MYRFL: variants seen among roughly 807,000 people sequenced by gnomAD.
The protein encoded by MYRFL is myelin regulatory factor-like protein.
A neutral mutation model predicts 109.4 loss-of-function variants in MYRFL; 88 were observed. That is an observed-to-expected ratio of 0.80 (90% CI 0.68 to 0.96). MYRFL has a LOEUF of 0.96. MYRFL is among the 40% of genes least tolerant of loss of function. The pLI is 0.00. For missense variants in MYRFL, 957 were observed against 954.9 expected, an observed-to-expected ratio of 1.00 and a Z score of -0.03; for synonymous variants, 324 against 320.9, an observed-to-expected ratio of 1.01 and a Z score of -0.10.
chr12:69,891,682 T>TTCG lies in MYRFL; in HGVS notation c.903+517_903+518insCGT, dbSNP rs1886901296. ...CTTTCTTTCTTTCTTTCTTTCTTTC[T>TTCG]TTCGTTCGTTCGTTCTTTCTTTCTT... On this transcript the variant is annotated intron_variant, in intron 7 of 24. Coordinates refer to ENST00000552032, the MANE Select transcript of MYRFL (RefSeq NM_182530.3). Among the ~76,000 whole-genome samples, 5 of 101,556 alleles carry TTCG rather than the reference T, an allele frequency of 4.9e-5. No individual in the cohort carries two copies. In the South Asian group the frequency reaches 1.2e-3, roughly 23 times the overall value. The allele number at this position is 101,556 out of a possible 152,430, so 66.6% of individuals were successfully genotyped here.
In MYRFL at chr12:69,936,104, T is replaced by C; in HGVS notation, c.1917-9T>C. 7.0e-7 allele frequency: 1 copy of C among 1,425,468 alleles called. No homozygotes were observed. The highest frequency in any genetic ancestry group is 1.8e-4 in the Middle Eastern group (1 of 5,570). The allele number at this position is 1,425,468 out of a possible 1,614,324, so 88.3% of individuals were successfully genotyped here. ...TTTTTTTTTTTTTTTTTTTTTTTTTTTTTGACAGTGCTTTGACGATAGTTG... is the reference window on the plus strand; with the variant it reads ...TTTTTTTTTTTTTTTTTTTTTTTTTCTTTGACAGTGCTTTGACGATAGTTG... On this transcript the variant is annotated splice_polypyrimidine_tract_variant and intron_variant, in intron 16 of 24. Coordinates refer to ENST00000552032, the MANE Select transcript of MYRFL (RefSeq NM_182530.3).
intron 21 of MYRFL, 132 bp from the exon 22 acceptor site, chr12:69,955,231 C>T (rs942555031): frequency 5.3e-6 from 2 of 377,270 alleles, no homozygotes; most frequent in African/African-American, 2.1e-5. Flanking sequence ...CCAGGTTGAA[C>T]TCAGTTTTCC....
At chr12:69,833,938 A>G (rs11177892) in intron 1 of MYRFL, among the ~76,000 whole-genome samples, 5,286 of 149,984 alleles carry the variant, frequency 0.035, 115 homozygotes, top group Middle Eastern at 0.066. Context: ...TCCCAGCTCT[A>G]GCACAATAAG....
At chr12:69,955,269 C>A in intron 21 of MYRFL, 94 bp from the exon 22 acceptor site, 1 of 447,964 alleles carries the variant, frequency 2.2e-6, no homozygotes. Context: ...TATAATATTT[C>A]ACAGTTTTTA....
At position 69,955,612 on chromosome 12, in the gene MYRFL, T is replaced by G. The variant is rs1057359660; in HGVS notation, c.2450+175T>G. 5.9e-5 allele frequency among the ~76,000 whole-genome samples: 9 copies of G among 152,334 alleles called. No homozygotes were observed. The South Asian group carries it at 6.2e-4, about 11-fold the overall frequency. The stretch of plus-strand genomic sequence containing the variant: ...GGAAAGGTTTTCAAAATGAGGGCTG[T>G]GATCATCCAGGCTTTCTTCAGGGAA... On this transcript the variant is annotated intron_variant, in intron 22 of 24. Transcript: ENST00000552032.
In MYRFL at chr12:69,903,785, A is replaced by G; in HGVS notation, c.1324A>G (p.Lys442Glu). 6.5e-7 allele frequency: 1 copy of G among 1,535,770 alleles called. No homozygotes were observed. The highest frequency in any genetic ancestry group is 8.7e-7 in the Non-Finnish European group (1 of 1,146,654). Residue 442 changes from lysine to glutamate, a missense_variant, in exon 11 of 25, where the codon AAA (lysine) becomes GAA (glutamate). Transcript: ENST00000552032. Reference sequence around the variant, plus strand: ...AGCCCTGGTTGTCTGTGGCAACATGAAAGTGATGGGGACCATCATGCATCC... The same window carrying G: ...AGCCCTGGTTGTCTGTGGCAACATGGAAGTGATGGGGACCATCATGCATCC... ...DEALVVCGNM[K>E]VMGTIMHPSD...
intron 15 of MYRFL, among the ~76,000 whole-genome samples, chr12:69,931,322 G>T (rs541228070): frequency 6.6e-6 from 1 of 152,104 alleles, no homozygotes. Flanking sequence ...GACGTCCTCC[G>T]AACAGTTTCT....
Position 69,955,391 on chromosome 12 carries a change from G to T in MYRFL, c.2404G>T (p.Val802Phe). 1 of 660,630 alleles carries T rather than the reference G, an allele frequency of 1.5e-6. No individual in the cohort carries two copies. Among genetic ancestry groups the T allele is most frequent in the African/African-American group, 1.8e-5 (1 of 55,060 alleles). 40.9% of individuals were successfully genotyped at this position (660,630 alleles called of 1,614,324 possible). A position where few individuals can be genotyped will look rare whatever the true frequency, so the allele number is the denominator to read the frequency against. Residue 802 changes from valine to phenylalanine, a missense_variant, in exon 22 of 25, where the codon GTT becomes TTT. Physicochemically the swap from Val to Phe is conservative, Grantham distance 50. Coordinates refer to ENST00000552032, the MANE Select transcript of MYRFL (RefSeq NM_182530.3). ...TGGAAATTATAATTACAATATTCCT[G>T]TTAATAAACACACACCCACCAATGT... ...GSGNYNYNIP[V>F]NKHTPTNVKF...
intron 11 of MYRFL, among the ~76,000 whole-genome samples, chr12:69,905,910 C>T (rs1954342529): frequency 6.6e-6 from 1 of 152,096 alleles, no homozygotes; most frequent in African/African-American, 2.4e-5. Context: ...TTCACCTCTT[C>T]CTGACTTAGT....
chr12:69,938,710 C>G (rs904829064), intron 19 of MYRFL, among the ~76,000 whole-genome samples: 1 of 152,032 alleles, frequency 6.6e-6, no homozygotes, highest in Non-Finnish European at 1.5e-5. Flanking sequence ...GGAATAGGAA[C>G]AGCTCCGGTC....
intron 11 of MYRFL, among the ~76,000 whole-genome samples, chr12:69,906,270 T>C (rs1223709284): frequency 6.6e-6 from 1 of 152,136 alleles, no homozygotes; most frequent in Non-Finnish European, 1.5e-5. Context: ...ATGGAGAAGA[T>C]GACGCAGATA....
intron 1 of MYRFL, among the ~76,000 whole-genome samples, chr12:69,852,780 G>A (rs1031763292): frequency 6.6e-6 from 1 of 151,732 alleles, no homozygotes; most frequent in Non-Finnish European, 1.5e-5. Context: ...TTAGGGAGTG[G>A]TGATGACTCT....
chr12:69,913,738 C>T (rs568262978), intron 13 of MYRFL, among the ~76,000 whole-genome samples: 15 of 152,238 alleles, frequency 9.9e-5, no homozygotes, highest in South Asian at 4.2e-4. Context: ...GTGAGTCATA[C>T]GGCTTTGTTC....
chr12:69,852,559 CTGTT>C (rs1812982975), intron 1 of MYRFL, among the ~76,000 whole-genome samples: 1 of 133,956 alleles, frequency 7.5e-6, no homozygotes, highest in East Asian at 2.1e-4. Context: ...TGCAGGCAGG[CTGTT>C]TATTTTTAAT....
At chr12:69,870,054 T>C (rs935895708) in intron 2 of MYRFL, among the ~76,000 whole-genome samples, 2 of 151,082 alleles carry the variant, frequency 1.3e-5, no homozygotes, top group African/African-American at 2.4e-5. Context: ...AGAAGGCAAA[T>C]TATTTTATTT....
At chr12:69,929,431 G>A (rs945972332) in intron 15 of MYRFL, among the ~76,000 whole-genome samples, 1 of 152,222 alleles carries the variant, frequency 6.6e-6, no homozygotes, top group African/African-American at 2.4e-5. Context: ...GGAGGTTTAT[G>A]AGAGTTGAGC....
intron 7 of MYRFL, among the ~76,000 whole-genome samples, chr12:69,891,588 T>TCTTC: frequency 1.4e-5 from 2 of 139,462 alleles, no homozygotes; most frequent in Middle Eastern, 3.5e-3. Context: ...TTTCTTTCTT[T>TCTTC]CTTTCTTTCT....
At chr12:69,876,304 G>A (rs568517520) in intron 2 of MYRFL, among the ~76,000 whole-genome samples, 1 of 152,294 alleles carries the variant, frequency 6.6e-6, no homozygotes, top group East Asian at 1.9e-4. Flanking sequence ...CCTTCTCCAA[G>A]TTTCAGTGCC....
At chr12:69,937,817 G>A (rs1006976900) in intron 19 of MYRFL, among the ~76,000 whole-genome samples, 1 of 152,098 alleles carries the variant, frequency 6.6e-6, no homozygotes, top group Non-Finnish European at 1.5e-5. Context: ...TGACATTATT[G>A]CATATCCTAG....
Sources: allele counts gnomAD v4.1 joint callset (sites outside exome capture counted in the v4.1 genomes callset), GRCh38; gene constraint gnomAD v4.1.1; transcripts MANE v1.5; gene names NCBI Gene and HGNC (gene_info 2026-07-23, HGNC 2026-07-21).